Variants in FSTL5 observed in about 807,000 individuals in gnomAD.
FSTL5 encodes follistatin like 5.
FSTL5 carries 62 observed loss-of-function variants against 89.1 expected under a neutral mutation model. The observed-to-expected ratio is 0.70, with a 90% CI of 0.57 to 0.86. FSTL5 has a LOEUF of 0.86. FSTL5 is among the 40% of genes least tolerant of loss of function. FSTL5 has a pLI of 0.00. For missense variants in FSTL5, 1,057 were observed against 1,001.6 expected, an observed-to-expected ratio of 1.06 and a Z score of -0.75; for synonymous variants, 383 against 346.2, an observed-to-expected ratio of 1.11 and a Z score of -1.18.
chr4:162,007,254 A>T (rs553178299), intron 3 of FSTL5, among the ~76,000 whole-genome samples: 1 of 152,064 alleles, frequency 6.6e-6, no homozygotes, highest in Non-Finnish European at 1.5e-5. Context: ...AAATATTTTT[A>T]AAGAATGACC....
chr4:161,468,330 G>A (rs1299420021), intron 13 of FSTL5, among the ~76,000 whole-genome samples: 1 of 151,660 alleles, frequency 6.6e-6, no homozygotes, highest in Admixed American at 6.6e-5. Flanking sequence ...TATAGAAAGT[G>A]AGGCAATAAG....
chr4:162,101,770 G>T (rs1731006992), intron 2 of FSTL5, among the ~76,000 whole-genome samples: 1 of 152,106 alleles, frequency 6.6e-6, no homozygotes, highest in African/African-American at 2.4e-5. Context: ...TCATAAACCA[G>T]AATATTTCTT....
intron 4 of FSTL5, among the ~76,000 whole-genome samples, chr4:161,836,798 G>A (rs1473986273): frequency 6.6e-6 from 1 of 151,906 alleles, no homozygotes; most frequent in African/African-American, 2.4e-5. Context: ...ATGCAAAAAA[G>A]GAGATATATG....
At chr4:161,965,873 T>C (rs1266523651) in intron 3 of FSTL5, among the ~76,000 whole-genome samples, 1 of 152,042 alleles carries the variant, frequency 6.6e-6, no homozygotes, top group Non-Finnish European at 1.5e-5. Flanking sequence ...CATTTACCAG[T>C]AGAGTATGGG....
At chr4:161,979,366 G>A (rs1312667403) in intron 3 of FSTL5, among the ~76,000 whole-genome samples, 1 of 152,094 alleles carries the variant, frequency 6.6e-6, no homozygotes, top group Non-Finnish European at 1.5e-5. Flanking sequence ...CTTTGTATAT[G>A]CCACTACATA....
At chr4:161,805,476 A>C (rs1729936508) in intron 4 of FSTL5, among the ~76,000 whole-genome samples, 1 of 152,088 alleles carries the variant, frequency 6.6e-6, no homozygotes, top group South Asian at 2.1e-4. Flanking sequence ...AGAGATATGT[A>C]GCATGCAAAT....
chr4:161,470,071 A>G (rs931699556), intron 13 of FSTL5, among the ~76,000 whole-genome samples: 1 of 152,048 alleles, frequency 6.6e-6, no homozygotes, highest in African/African-American at 2.4e-5. Context: ...CTCTGTTAAT[A>G]TTATCTTTGA....
chr4:161,456,378 C>T (rs1044703547), intron 14 of FSTL5, among the ~76,000 whole-genome samples: 3 of 152,240 alleles, frequency 2.0e-5, no homozygotes, highest in Admixed American at 2.0e-4. Flanking sequence ...AAAATTATGA[C>T]ACCTAGTCTC....
intron 8 of FSTL5, among the ~76,000 whole-genome samples, chr4:161,559,674 G>T (rs970922337): frequency 2.0e-5 from 3 of 151,772 alleles, no homozygotes; most frequent in African/African-American, 7.3e-5. Flanking sequence ...TTTTGAAGGA[G>T]ATTTTATGTA....
chr4:161,992,806 C>T (rs1564712), intron 3 of FSTL5, among the ~76,000 whole-genome samples: 54,388 of 135,054 alleles, frequency 0.4, 11,290 homozygotes, highest in Middle Eastern at 0.57. Context: ...ACCACCGTGC[C>T]ATTGAACTTC....
chr4:161,722,703 T>G (rs1358864569), intron 6 of FSTL5, among the ~76,000 whole-genome samples: 1 of 152,176 alleles, frequency 6.6e-6, no homozygotes, highest in Non-Finnish European at 1.5e-5. Context: ...CTCACAGCTT[T>G]TATTCCCTTA....
intron 15 of FSTL5, among the ~76,000 whole-genome samples, chr4:161,404,360 A>G (rs936493102): frequency 2.6e-5 from 4 of 152,178 alleles, no homozygotes; most frequent in African/African-American, 7.2e-5. Context: ...TTCTTAATGT[A>G]TAGTGGAGAT....
intron 10 of FSTL5, among the ~76,000 whole-genome samples, chr4:161,522,760 C>T (rs1156681788): frequency 6.6e-6 from 1 of 151,516 alleles, no homozygotes; most frequent in Non-Finnish European, 1.5e-5. Flanking sequence ...CAAGAATAAA[C>T]AGTCAAATAG....
At chr4:161,768,187 T>C (rs527710486) in intron 5 of FSTL5, among the ~76,000 whole-genome samples, 125 of 152,232 alleles carry the variant, frequency 8.2e-4, no homozygotes, top group African/African-American at 2.9e-3. Flanking sequence ...GAATTTCCAC[T>C]AGCCTCTAGA....
At chr4:161,413,478 A>G (rs1355557886) in intron 15 of FSTL5, among the ~76,000 whole-genome samples, 1 of 152,144 alleles carries the variant, frequency 6.6e-6, no homozygotes, top group African/African-American at 2.4e-5. Flanking sequence ...TTTTATGGGA[A>G]TGTAAATTAG....
intron 3 of FSTL5, among the ~76,000 whole-genome samples, chr4:161,940,575 A>G (rs1325152982): frequency 2.6e-5 from 4 of 151,888 alleles, no homozygotes; most frequent in African/African-American, 9.7e-5. Context: ...CTGATTTTTA[A>G]GCAGAAAACA....
chr4:161,466,992 C>T (rs972274353), intron 13 of FSTL5, among the ~76,000 whole-genome samples: 2 of 150,268 alleles, frequency 1.3e-5, no homozygotes, highest in African/African-American at 5.0e-5. Flanking sequence ...TACCAGTCCA[C>T]ACAGTCAAAA....
intron 5 of FSTL5, among the ~76,000 whole-genome samples, chr4:161,773,604 A>G (rs1049290632): frequency 2.6e-5 from 4 of 152,166 alleles, no homozygotes; most frequent in African/African-American, 9.7e-5. Flanking sequence ...GCTCAACATC[A>G]CTAATGGTCA....
intron 6 of FSTL5, among the ~76,000 whole-genome samples, chr4:161,716,583 C>T (rs368652420): frequency 1.3e-5 from 2 of 151,966 alleles, no homozygotes; most frequent in East Asian, 1.9e-4. Flanking sequence ...GGCAACAGAG[C>T]GAAACCCTGT....
Sources: allele counts gnomAD v4.1 joint callset (sites outside exome capture counted in the v4.1 genomes callset), GRCh38; gene constraint gnomAD v4.1.1; transcripts MANE v1.5; gene names NCBI Gene and HGNC (gene_info 2026-07-23, HGNC 2026-07-21).